CLCN2: variants seen among roughly 807,000 people sequenced by gnomAD.
CLCN2 encodes the protein chloride channel protein 2.
Under a neutral mutation model 108.3 loss-of-function variants are expected in CLCN2, and 72 were observed. The ratio of observed to expected loss-of-function variants is 0.66; its 90% confidence interval spans 0.55 to 0.81. The LOEUF (loss-of-function observed/expected upper bound fraction) is 0.81, where lower values mean the gene tolerates loss of function less well. CLCN2 is among the 30% of genes least tolerant of loss of function. The pLI, the probability that CLCN2 is intolerant of heterozygous loss-of-function variation, is 0.00. For synonymous variants in CLCN2, 471 were observed against 467.1 expected (o/e 1.01, Z -0.11); for missense variants, 1,048 against 1,205.2 (o/e 0.87, Z 1.93).
At position 184,346,946 on chromosome 3, in the gene CLCN2, TA is replaced by T. The variant is rs1727720475; in HGVS notation, c.2490del (p.Thr831LeufsTer2). On this transcript the variant is annotated frameshift_variant, in exon 23 of 24. Transcript: ENST00000265593. LOFTEE classifies it high-confidence loss of function. This position sits in a 1 kb window ranked among gnomAD's most constrained non-coding sequence, Gnocchi z 6.0. The part of the protein sequence containing the change: ...VTSIGRLIGI[V>X]TLKELRKAIE... ...CACCATCACCTCACCTCCTTTAGAG[TA>T]ACGATTCCAATGAGTCTGCCAATAC... is the stretch of plus-strand genomic sequence containing the variant. The T allele has an allele frequency of 6.2e-7, 1 of 1,613,772 alleles. No homozygotes were observed. Among genetic ancestry groups the T allele is most frequent in the African/African-American group, 1.3e-5 (1 of 74,864 alleles).
chr3:184,355,040 C>T lies in CLCN2; in HGVS notation c.1327-67G>A, dbSNP rs1324264535. ...GGCCCCAGGCAGCCCACAGCGCCAC[C>T]CAGGAGAAGTCTACCTCGCTGATCA... On this transcript the variant is annotated intron_variant, in intron 12 of 23. Transcript: ENST00000265593. The surrounding 1 kb of genome is among the most constrained non-coding windows in gnomAD (Gnocchi z 6.3). 10 of 1,447,430 alleles carry T rather than the reference C, an allele frequency of 6.9e-6. No homozygotes were observed. In the African/African-American group the frequency reaches 1.1e-4, roughly 16 times the overall value. The allele number at this position is 1,447,430 out of a possible 1,614,324, so 89.7% of individuals were successfully genotyped here.
At position 184,361,469 on chromosome 3, in the gene CLCN2, G is replaced by A; in HGVS notation, c.11C>T (p.Ala4Val). The A allele has an allele frequency of 6.2e-7, 1 of 1,612,380 alleles. No homozygotes were observed. The highest frequency in any genetic ancestry group is 8.5e-7 in the Non-Finnish European group (1 of 1,179,942). Residue 4 changes from alanine to valine, a missense_variant, in exon 1 of 24, where the codon GCG becomes GTG. Coordinates refer to ENST00000265593, the MANE Select transcript of CLCN2 (RefSeq NM_004366.6). The surrounding 1 kb of genome is among the most constrained non-coding windows in gnomAD (Gnocchi z 6.6). MAAAAAEEGMEPRA... is the reference protein window; with the variant it reads MAAVAAEEGMEPRA... ...TGGCTCCATCCCTTCCTCCGCCGCCGCGGCCGCCATCTCCGCGCACTGCCC... is the reference window on the plus strand; with the variant it reads ...TGGCTCCATCCCTTCCTCCGCCGCCACGGCCGCCATCTCCGCGCACTGCCC...
chr3:184,356,636 T>G (rs1022592890), intron 10 of CLCN2: 4 of 218,596 alleles, frequency 1.8e-5, no homozygotes, highest in South Asian at 1.2e-4. Context: ...TGAAACTCCG[T>G]CTCAAAAAAA....
At chr3:184,354,682 GAA>G (rs759099976) in intron 13 of CLCN2, 24 bp from the exon 14 acceptor site, 128 of 1,122,266 alleles carry the variant, frequency 1.1e-4, no homozygotes, top group Non-Finnish European at 1.5e-4. Context: ...GGTGGGAAGA[GAA>G]AGAGGCAGTG....
Position 184,355,222 on chromosome 3 carries a change from T to C in CLCN2, c.1326+152A>G, listed in dbSNP as rs1267101972. ...AGCTGTGTGACTTTGGGCCAGCTAC[T>C]TGTGTTTCGACTCCCCCATCTTTCA... On this transcript the variant is annotated intron_variant, in intron 12 of 23. Transcript: ENST00000265593. The surrounding 1 kb of genome is among the most constrained non-coding windows in gnomAD (Gnocchi z 6.3). The C allele has an allele frequency of 2.2e-6, 2 of 918,786 alleles. No individual in the cohort carries two copies. Among genetic ancestry groups the C allele is most frequent in the Non-Finnish European group, 1.8e-6 (1 of 567,666 alleles). 56.9% of individuals were successfully genotyped at this position (918,786 alleles called of 1,614,324 possible).
chr3:184,352,817 T>C lies in CLCN2; in HGVS notation c.2144-7A>G. 1 of 1,613,146 alleles carries C rather than the reference T, an allele frequency of 6.2e-7. No homozygotes were observed. Among genetic ancestry groups the C allele is most frequent in the Non-Finnish European group, 8.5e-7 (1 of 1,179,932 alleles). ...CCTGCCGACTCTGCGCTCCCTGTGT[T>C]CCCAAACATAAGGCCCCAGGGGGCA... On this transcript the variant is annotated splice_region_variant and splice_polypyrimidine_tract_variant and intron_variant, in intron 18 of 23. Transcript: ENST00000265593.
chr3:184,353,332 A>C lies in CLCN2; in HGVS notation c.1946T>G (p.Met649Arg). ...GGTCTGGGTGGCTCTGCGCTCCTGCATGTGCTGCCGCCGGCGGGCTGGGCT... is the reference window on the plus strand; with the variant it reads ...GGTCTGGGTGGCTCTGCGCTCCTGCCTGTGCTGCCGCCGGCGGGCTGGGCT... Reference protein sequence around the residue: ...QLSPARRRQHMQERRATQTSP... With the variant: ...QLSPARRRQHRQERRATQTSP... Residue 649 changes from methionine (M) to arginine (R), a missense_variant, in exon 17 of 24, where the codon ATG (methionine) becomes AGG (arginine). By Grantham distance (91) the Met-to-Arg change is moderately conservative. Coordinates refer to ENST00000265593, the MANE Select transcript of CLCN2 (RefSeq NM_004366.6). 2 of 1,613,314 alleles carry C rather than the reference A, an allele frequency of 1.2e-6. No individual in the cohort carries two copies. The highest frequency in any genetic ancestry group is 1.7e-6 in the Non-Finnish European group (2 of 1,179,940).
At position 184,346,531 on chromosome 3, in the gene CLCN2, G is replaced by A. The variant is rs1172901455; in HGVS notation, c.*75C>T. ...CTGTAGCTGCCTCCTGCCTTCCGAA[G>A]GCAGAAGGAATGAAAGATGCACATT... On this transcript the variant is annotated 3_prime_UTR_variant, in exon 24 of 24. Transcript: ENST00000265593. This position sits in a 1 kb window ranked among gnomAD's most constrained non-coding sequence, Gnocchi z 6.0. The A allele has an allele frequency of 4.5e-6, 7 of 1,558,964 alleles. No individual in the cohort carries two copies. The highest frequency in any genetic ancestry group is 2.2e-5 in the East Asian group (1 of 44,556).
Position 184,347,026 on chromosome 3 carries a change from AG to A in CLCN2, c.2416-6del. On this transcript the variant is annotated splice_region_variant and splice_polypyrimidine_tract_variant and intron_variant, in intron 22 of 23. Coordinates refer to ENST00000265593, the MANE Select transcript of CLCN2 (RefSeq NM_004366.6). ...CAGTGAGAAGATAGTGTGAGTCTGC[AG>A]TGTGGGGAGAAAAGCGATTGGACTT... The A allele has an allele frequency of 6.2e-7, 1 of 1,612,722 alleles. No homozygotes were observed. The highest frequency in any genetic ancestry group is 1.1e-5 in the South Asian group (1 of 91,058).
chr3:184,354,806 C>G, intron 13 of CLCN2, 98 bp downstream of exon 13: 4 of 1,451,528 alleles, frequency 2.8e-6, no homozygotes, highest in Non-Finnish European at 3.9e-6. Flanking sequence ...CGGGCTAGGG[C>G]TGGACCAAAA....
At position 184,358,045 on chromosome 3, in the gene CLCN2, C is replaced by G. The variant is rs780553073; in HGVS notation, c.532G>C (p.Glu178Gln). The change falls in exon 5 of 24, where the codon GAA becomes CAA. Residue 178 changes from glutamate (E) to glutamine (Q), a missense_variant. Coordinates refer to ENST00000265593, the MANE Select transcript of CLCN2 (RefSeq NM_004366.6). Reference sequence around the variant, plus strand: ...ATAAAGGTCTTGAGTGTGAGGTATTCTTTCAGCACCACTCCCCGCAAGATG... The same window carrying G: ...ATAAAGGTCTTGAGTGTGAGGTATTGTTTCAGCACCACTCCCCGCAAGATG... Reference protein sequence around the residue: ...KTILRGVVLKEYLTLKTFIAK... With the variant: ...KTILRGVVLKQYLTLKTFIAK... 1 of 1,614,016 alleles carries G rather than the reference C, an allele frequency of 6.2e-7. No homozygotes were observed. Among genetic ancestry groups the G allele is most frequent in the Non-Finnish European group, 8.5e-7 (1 of 1,180,044 alleles).
In CLCN2 at chr3:184,346,930, CT is replaced by C; in HGVS notation, c.2502+4del. On this transcript the variant is annotated splice_donor_region_variant and intron_variant, in intron 23 of 23. Transcript: ENST00000265593. This position sits in a 1 kb window ranked among gnomAD's most constrained non-coding sequence, Gnocchi z 6.0. ...GAGCAGCTTTGGAGGCCACCATCAC[CT>C]CACCTCCTTTAGAGTAACGATTCCA... The C allele has an allele frequency of 1.2e-6, 2 of 1,613,600 alleles. No homozygotes were observed. Among genetic ancestry groups the C allele is most frequent in the Non-Finnish European group, 1.7e-6 (2 of 1,179,486 alleles).
intron 22 of CLCN2, among the ~76,000 whole-genome samples, chr3:184,350,753 T>C (rs57532191): frequency 0.035 from 5,405 of 152,310 alleles, 122 homozygotes; most frequent in East Asian, 0.074. Context: ...TTATTAGCTG[T>C]GTGTCCTTGT....
At position 184,354,975 on chromosome 3, in the gene CLCN2, T is replaced by C. The variant is rs761380440; in HGVS notation, c.1327-2A>G. 6.2e-7 allele frequency: 1 copy of C among 1,613,694 alleles called. No homozygotes were observed. Among genetic ancestry groups the C allele is most frequent in the South Asian group, 1.1e-5 (1 of 91,072 alleles). ...GGTGGCCAGTGCAGACATCCAGAAC[T>C]GCAGGCAGGGGGTGGTTCAAAGGCG... On this transcript the variant is annotated splice_acceptor_variant, in intron 12 of 23. Coordinates refer to ENST00000265593, the MANE Select transcript of CLCN2 (RefSeq NM_004366.6). LOFTEE classifies it high-confidence loss of function.
At position 184,355,250 on chromosome 3, in the gene CLCN2, C is replaced by A; in HGVS notation, c.1326+124G>T. ...TGTTTCGACTCCCCCATCTTTCAAACGGGGGTGATAATAGTGCCTTTCCCA... is the reference window on the plus strand; with the variant it reads ...TGTTTCGACTCCCCCATCTTTCAAAAGGGGGTGATAATAGTGCCTTTCCCA... On this transcript the variant is annotated intron_variant, in intron 12 of 23. Transcript: ENST00000265593. The surrounding 1 kb of genome is among the most constrained non-coding windows in gnomAD (Gnocchi z 6.3). The A allele has an allele frequency of 9.0e-7, 1 of 1,105,222 alleles. No homozygotes were observed. The highest frequency in any genetic ancestry group is 1.4e-6 in the Non-Finnish European group (1 of 725,064). 68.5% of individuals were successfully genotyped at this position (1,105,222 alleles called of 1,614,324 possible).
chr3:184,355,854 G>A lies in CLCN2; in HGVS notation c.1086-76C>T, dbSNP rs2108569013. Reference sequence around the variant, plus strand: ...CTCGCATATCTCAGGGCTGAGGTCAGAGCAGAGCCTTGGCTCTTTCATGAA... The same window carrying A: ...CTCGCATATCTCAGGGCTGAGGTCAAAGCAGAGCCTTGGCTCTTTCATGAA... On this transcript the variant is annotated intron_variant, in intron 10 of 23. Coordinates refer to ENST00000265593, the MANE Select transcript of CLCN2 (RefSeq NM_004366.6). This position sits in a 1 kb window ranked among gnomAD's most constrained non-coding sequence, Gnocchi z 6.3. 8.5e-7 allele frequency: 1 copy of A among 1,174,528 alleles called. No individual in the cohort carries two copies. Among genetic ancestry groups the A allele is most frequent in the African/African-American group, 1.5e-5 (1 of 66,314 alleles). 72.8% of individuals were successfully genotyped at this position (1,174,528 alleles called of 1,614,324 possible). A position where few individuals can be genotyped will look rare whatever the true frequency, so the allele number is the denominator to read the frequency against.
At chr3:184,358,941 C>T (rs758982274) in intron 2 of CLCN2, 34 bp downstream of exon 2, 6 of 1,613,484 alleles carry the variant, frequency 3.7e-6, no homozygotes, top group South Asian at 1.1e-5. Context: ...CAGCACAGCA[C>T]AGCCAGGTCC....
chr3:184,352,362 G>T (rs777664759), intron 20 of CLCN2, 31 bp from the exon 21 acceptor site: 4 of 1,613,640 alleles, frequency 2.5e-6, no homozygotes, highest in Non-Finnish European at 3.4e-6. Flanking sequence ...CTGGCAGCTA[G>T]GGGCTCTGGA....
At chr3:184,349,762 A>G (rs1377752355) in intron 22 of CLCN2, among the ~76,000 whole-genome samples, 1 of 152,230 alleles carries the variant, frequency 6.6e-6, no homozygotes, top group African/African-American at 2.4e-5. Context: ...TGAAGCACAG[A>G]GAGGCTAAGA....
Sources: gnomAD v4.1 joint callset for allele counts (sites outside exome capture counted in the v4.1 genomes callset) on GRCh38, gnomAD v4.1.1 for gene constraint, Gnocchi (gnomAD v3.1) non-coding constraint, MANE v1.5 for transcripts, NCBI Gene and HGNC (gene_info 2026-07-23, HGNC 2026-07-21) for gene names.